GULP1: variants seen among roughly 807,000 people sequenced by gnomAD.
The protein encoded by GULP1 is PTB domain-containing engulfment adapter protein 1.
Under a neutral mutation model 40.9 loss-of-function variants are expected in GULP1, and 19 were observed. The ratio of observed to expected loss-of-function variants is 0.46; its 90% CI spans 0.32 to 0.68. The LOEUF (loss-of-function observed/expected upper bound fraction) is 0.68. Among genes scored for constraint, GULP1 ranks in the 30% least tolerant of loss-of-function variants. GULP1 has a pLI of 0.03. For synonymous variants in GULP1, 119 were observed against 117.6 expected (o/e 1.01, Z -0.08); for missense variants, 312 against 362.2 (o/e 0.86, Z 1.12).
intron 7 of GULP1, among the ~76,000 whole-genome samples, chr2:188,550,799 A>G (rs57067423): frequency 0.034 from 5,156 of 151,358 alleles, 145 homozygotes; most frequent in African/African-American, 0.081. Flanking sequence ...TAAAAAATTA[A>G]TGTTTTTTTT....
intron 2 of GULP1, among the ~76,000 whole-genome samples, chr2:188,400,927 GT>G (rs1203989559): frequency 2.1e-4 from 8 of 38,402 alleles, no homozygotes; most frequent in African/African-American, 1.2e-3. Flanking sequence ...GTGTGTTTGT[GT>G]GTGTGTGTGT....
intron 7 of GULP1, among the ~76,000 whole-genome samples, chr2:188,560,602 A>T (rs1463991892): frequency 6.6e-6 from 1 of 152,166 alleles, no homozygotes; most frequent in African/African-American, 2.4e-5. Flanking sequence ...CTGTATTAGT[A>T]TGTTCTCACA....
intron 2 of GULP1, among the ~76,000 whole-genome samples, chr2:188,448,791 T>G (rs906922290): frequency 1.4e-4 from 21 of 152,104 alleles, no homozygotes; most frequent in African/African-American, 5.1e-4. Flanking sequence ...TCTTCAAGGT[T>G]TGTGGCTGTC....
intron 6 of GULP1, among the ~76,000 whole-genome samples, chr2:188,540,637 G>A (rs1690228684): frequency 1.3e-5 from 2 of 151,994 alleles, no homozygotes; most frequent in Non-Finnish European, 2.9e-5. Flanking sequence ...AAGAGTGTAT[G>A]AGTTACCATG....
At chr2:188,449,092 G>A (rs929063365) in intron 2 of GULP1, among the ~76,000 whole-genome samples, 2 of 152,276 alleles carry the variant, frequency 1.3e-5, no homozygotes, top group South Asian at 2.1e-4. Flanking sequence ...ATATGTGAAA[G>A]TGCCTAGATG....
At chr2:188,319,701 C>T (rs193229134) in intron 1 of GULP1, among the ~76,000 whole-genome samples, 139 of 152,198 alleles carry the variant, frequency 9.1e-4, no homozygotes, top group Admixed American at 2.8e-3. Flanking sequence ...TGCCTACAGT[C>T]CTTGTATATG....
At chr2:188,546,218 GTGGGA>G (rs1691922465) in intron 7 of GULP1, among the ~76,000 whole-genome samples, 1 of 151,942 alleles carries the variant, frequency 6.6e-6, no homozygotes, top group Non-Finnish European at 1.5e-5. Context: ...TCATCAACCA[GTGGGA>G]TCTAATGAGC....
At chr2:188,524,644 TACA>T (rs1404253843) in intron 5 of GULP1, among the ~76,000 whole-genome samples, 3 of 151,068 alleles carry the variant, frequency 2.0e-5, no homozygotes, top group African/African-American at 4.8e-5. Context: ...GGTCAGAAGC[TACA>T]ATTCAAAGTA....
At chr2:188,361,286 A>G (rs1446252114) in intron 1 of GULP1, among the ~76,000 whole-genome samples, 1 of 152,056 alleles carries the variant, frequency 6.6e-6, no homozygotes, top group Non-Finnish European at 1.5e-5. Flanking sequence ...GTCTCTGAGC[A>G]TGAAAAGGTG....
At chr2:188,579,921 T>C (rs1700918116) in intron 9 of GULP1, among the ~76,000 whole-genome samples, 1 of 152,134 alleles carries the variant, frequency 6.6e-6, no homozygotes. Flanking sequence ...CTAAAAAATA[T>C]AGAGTATTAC....
chr2:188,569,828 A>G (rs527679427), intron 8 of GULP1, among the ~76,000 whole-genome samples, 200 bp from the exon 9 acceptor site: 2 of 152,308 alleles, frequency 1.3e-5, no homozygotes, highest in African/African-American at 2.4e-5. Flanking sequence ...TTGCACACAC[A>G]TAAAAATATA....
At chr2:188,366,168 T>G (rs2152408508) in intron 1 of GULP1, among the ~76,000 whole-genome samples, 1 of 151,956 alleles carries the variant, frequency 6.6e-6, no homozygotes, top group East Asian at 1.9e-4. Context: ...GAAGGGCCTG[T>G]AAAGGAGGAA....
intron 1 of GULP1, among the ~76,000 whole-genome samples, chr2:188,374,301 A>G (rs535556769): frequency 1.1e-4 from 17 of 152,164 alleles, no homozygotes; most frequent in Non-Finnish European, 2.2e-4. Context: ...AGTAAAATGC[A>G]TAGTATACAT....
At chr2:188,508,023 T>A (rs2153188869) in intron 4 of GULP1, among the ~76,000 whole-genome samples, 1 of 152,110 alleles carries the variant, frequency 6.6e-6, no homozygotes, top group South Asian at 2.1e-4. Flanking sequence ...CTATTAAATT[T>A]TTATAACAGT....
intron 2 of GULP1, among the ~76,000 whole-genome samples, chr2:188,452,586 A>G (rs1432934944): frequency 6.6e-6 from 1 of 152,202 alleles, no homozygotes; most frequent in East Asian, 1.9e-4. Context: ...TATAAGCATA[A>G]TAAATACACT....
At chr2:188,497,378 T>A (rs963693447) in intron 4 of GULP1, among the ~76,000 whole-genome samples, 2 of 151,998 alleles carry the variant, frequency 1.3e-5, no homozygotes, top group African/African-American at 2.4e-5. Context: ...AGGACATTAA[T>A]TGACTAAGTG....
chr2:188,543,204 TA>T (rs1193885360), intron 7 of GULP1, among the ~76,000 whole-genome samples: 1 of 151,948 alleles, frequency 6.6e-6, no homozygotes, highest in Non-Finnish European at 1.5e-5. Context: ...AAAAAATAAA[TA>T]AAAAAAGATT....
chr2:188,341,543 G>A (rs1171393830), intron 1 of GULP1, among the ~76,000 whole-genome samples: 1 of 152,078 alleles, frequency 6.6e-6, no homozygotes, highest in Admixed American at 6.6e-5. Context: ...TTTAATACCA[G>A]TTTTGCTGCC....
intron 1 of GULP1, among the ~76,000 whole-genome samples, chr2:188,366,571 C>T (rs1257679952): frequency 6.8e-6 from 1 of 147,450 alleles, no homozygotes; most frequent in Non-Finnish European, 1.5e-5. Context: ...CTTTGTAGGG[C>T]GACTTCCAGT....
Sources: allele counts gnomAD v4.1 joint callset (sites outside exome capture counted in the v4.1 genomes callset), GRCh38; gene constraint gnomAD v4.1.1; transcripts MANE v1.5; gene names NCBI Gene and HGNC (gene_info 2026-07-23, HGNC 2026-07-21).